SPG11: variants seen among roughly 807,000 people sequenced by gnomAD.
SPG11 encodes SPG11 vesicle trafficking associated, spatacsin, also known as spatacsin.
A neutral mutation model predicts 274.0 loss-of-function variants in SPG11; 222 were observed. The observed-to-expected ratio is 0.81, with a 90% CI of 0.73 to 0.91. The LOEUF is 0.91. SPG11 is among the 40% of genes least tolerant of loss of function. SPG11 has a pLI of 0.00. For missense variants in SPG11, 3,114 were observed against 2,872.7 expected (o/e 1.08, Z -1.92); for synonymous variants, 1,144 against 1,039.7 (o/e 1.10, Z -1.93).
At chr15:44,602,805 A>G (rs569428091) in intron 20 of SPG11, among the ~76,000 whole-genome samples, 1 of 151,960 alleles carries the variant, frequency 6.6e-6, no homozygotes, top group African/African-American at 2.4e-5. Context: ...TCATTCTGTT[A>G]ATGTGGTGTA....
intron 7 of SPG11, among the ~76,000 whole-genome samples, chr15:44,636,285 T>C (rs1179878219): frequency 6.6e-6 from 1 of 152,068 alleles, no homozygotes; most frequent in Non-Finnish European, 1.5e-5. Context: ...GAGAGGAGAC[T>C]ATAAACAAAC....
intron 17 of SPG11, among the ~76,000 whole-genome samples, chr15:44,611,679 T>C (rs939635345): frequency 2.8e-4 from 42 of 152,136 alleles, no homozygotes; most frequent in Admixed American, 2.6e-4. Flanking sequence ...TTGAAATATA[T>C]TCAAGACTAT....
chr15:44,596,029 T>C (rs766856269), intron 25 of SPG11, 54 bp downstream of exon 25: 8 of 1,605,992 alleles, frequency 5.0e-6, no homozygotes, highest in Non-Finnish European at 6.8e-6. Flanking sequence ...CTGTCCCTCA[T>C]TACTTATTCT....
At position 44,629,398 on chromosome 15, in the gene SPG11, A is replaced by G; in HGVS notation, c.1736-10T>C. The G allele has an allele frequency of 6.2e-7, 1 of 1,613,790 alleles. No homozygotes were observed. Among genetic ancestry groups the G allele is most frequent in the Non-Finnish European group, 8.5e-7 (1 of 1,179,854 alleles). ...ATCAGCTCTTCCACATCTGAGAAAG[A>G]ACCAAAGAAATTAACATAAAGAACA... On this transcript the variant is annotated splice_polypyrimidine_tract_variant and intron_variant, in intron 8 of 39. Transcript: ENST00000261866.
At chr15:44,620,511 A>C (rs1808204370) in intron 14 of SPG11, 108 bp from the exon 15 acceptor site, 4 of 798,994 alleles carry the variant, frequency 5.0e-6, no homozygotes, top group African/African-American at 3.5e-5. Flanking sequence ...AGATATTTAT[A>C]CAATATATTA....
At chr15:44,656,096 G>C (rs1334281740) in intron 4 of SPG11, among the ~76,000 whole-genome samples, 1 of 152,160 alleles carries the variant, frequency 6.6e-6, no homozygotes, top group Non-Finnish European at 1.5e-5. Flanking sequence ...GGCCTTCATA[G>C]GAGGCAAGGT....
At position 44,659,222 on chromosome 15, in the gene SPG11, T is replaced by C. The variant is rs895170417; in HGVS notation, c.524A>G (p.His175Arg). The change falls in exon 3 of 40, where the codon CAT becomes CGT. Residue 175 changes from histidine to arginine, a missense_variant. Transcript: ENST00000261866. ...AGCATCTCTTTCAGGAAATATAATA[T>C]GTAGGATGACACATTTGTTGATGAA... ...LLFINKCVIL[H>R]IIFPERDAAI... 3 of 1,614,212 alleles carry C rather than the reference T, an allele frequency of 1.9e-6. No homozygotes were observed. Among genetic ancestry groups the C allele is most frequent in the South Asian group, 1.1e-5 (1 of 91,090 alleles).
chr15:44,637,467 C>G (rs1302083777), intron 7 of SPG11, among the ~76,000 whole-genome samples: 1 of 152,096 alleles, frequency 6.6e-6, no homozygotes, highest in African/African-American at 2.4e-5. Flanking sequence ...TGTGAGCCAC[C>G]ATACCCGGCT....
At chr15:44,663,253 G>A in intron 1 of SPG11, 138 bp downstream of exon 1, 1 of 1,191,030 alleles carries the variant, frequency 8.4e-7, no homozygotes, top group South Asian at 1.4e-5. Flanking sequence ...CTCGCCTCTG[G>A]GGCGTTTCCT....
chr15:44,658,248 T>C (rs75353895), intron 3 of SPG11, among the ~76,000 whole-genome samples: 4,908 of 152,210 alleles, frequency 0.032, 287 homozygotes, highest in African/African-American at 0.11. Flanking sequence ...AATTCAGAAA[T>C]TAAAGTTCCA....
At chr15:44,571,266 C>T (rs1387566643) in intron 33 of SPG11, among the ~76,000 whole-genome samples, 1 of 152,136 alleles carries the variant, frequency 6.6e-6, no homozygotes, top group Non-Finnish European at 1.5e-5. Flanking sequence ...CTAAGCATCC[C>T]TGACAATGAA....
rs776710208 is a variant in SPG11, at chr15:44,600,682, A to G, written c.3521-50T>C. On this transcript the variant is annotated intron_variant, in intron 20 of 39. Transcript: ENST00000261866. ...AATTATCTGTATATCACCATAATTA[A>G]TTTCAGATTTGCACATGGAACTCTC... 3.2e-6 allele frequency: 5 copies of G among 1,585,714 alleles called. 1 individual carries two copies. In the South Asian group the frequency reaches 4.4e-5, roughly 14 times the overall value.
chr15:44,646,344 T>A (rs60238894), intron 7 of SPG11, among the ~76,000 whole-genome samples: 1 of 152,116 alleles, frequency 6.6e-6, no homozygotes, highest in African/African-American at 2.4e-5. Flanking sequence ...CAGTTCTGCA[T>A]GGCTGGGAGG....
rs534604744 is a variant in SPG11 at position 44,633,744 on chromosome 15, G to A, written c.1603-107C>T. 7 of 1,198,670 alleles carry A rather than the reference G, an allele frequency of 5.8e-6. No individual in the cohort carries two copies. In the South Asian group the frequency reaches 8.0e-5, roughly 14 times the overall value. The allele number at this position is 1,198,670 out of a possible 1,614,324, so 74.3% of individuals were successfully genotyped here. ...TAGAATTTAATGTGGTGAGACTACA[G>A]GAGGCAAAAGACTGCATGAGTACAT... On this transcript the variant is annotated intron_variant, in intron 7 of 39. Transcript: ENST00000261866.
At chr15:44,655,355 CACCATGGG>C (rs1443485698) in intron 4 of SPG11, among the ~76,000 whole-genome samples, 1 of 152,164 alleles carries the variant, frequency 6.6e-6, no homozygotes, top group Non-Finnish European at 1.5e-5. Flanking sequence ...CCTTGTATAA[CACCATGGG>C]ACCCATATGA....
intron 36 of SPG11, among the ~76,000 whole-genome samples, chr15:44,567,087 C>A (rs2082325022): frequency 6.6e-6 from 1 of 151,960 alleles, no homozygotes; most frequent in African/African-American, 2.4e-5. Flanking sequence ...CATGGTGGCT[C>A]ACACCTGTAA....
intron 1 of SPG11, among the ~76,000 whole-genome samples, chr15:44,660,873 C>A (rs2085085309): frequency 6.6e-6 from 1 of 152,092 alleles, no homozygotes; most frequent in African/African-American, 2.4e-5. Context: ...ATGATGGCTC[C>A]ATTTATTCTT....
intron 7 of SPG11, among the ~76,000 whole-genome samples, chr15:44,644,886 A>C (rs1188095543): frequency 6.6e-6 from 1 of 152,244 alleles, no homozygotes; most frequent in African/African-American, 2.4e-5. Context: ...AGATCTCTGC[A>C]ATGAGAATTA....
intron 35 of SPG11, among the ~76,000 whole-genome samples, chr15:44,569,152 G>A (rs775007812): frequency 3.7e-5 from 5 of 135,318 alleles, no homozygotes; most frequent in South Asian, 2.3e-4. Flanking sequence ...AGAAACGAGC[G>A]AAACTCCGTC....
Sources: allele counts gnomAD v4.1 joint callset (sites outside exome capture counted in the v4.1 genomes callset), GRCh38; gene constraint gnomAD v4.1.1; transcripts MANE v1.5; gene names NCBI Gene and HGNC (gene_info 2026-07-23, HGNC 2026-07-21).